The following PIAS2 variants were observed in gnomAD, a reference collection of about 807,000 sequenced individuals.
The protein encoded by PIAS2 is protein inhibitor of activated STAT 2.
Under a neutral mutation model 69.7 loss-of-function variants are expected in PIAS2, and 19 were observed. The observed-to-expected ratio is 0.27, with a 90% confidence interval of 0.19 to 0.40. PIAS2 has a LOEUF of 0.40. Ranked by LOEUF, PIAS2 falls within the 10% of genes least tolerant of loss-of-function variation. The pLI is 1.00. For missense variants in PIAS2, 624 were observed against 757.0 expected, an observed-to-expected ratio of 0.82 and a Z score of 2.06; for synonymous variants, 261 against 263.2, an observed-to-expected ratio of 0.99 and a Z score of 0.08.
intron 3 of PIAS2, among the ~76,000 whole-genome samples, chr18:46,862,481 C>A (rs1468508071): frequency 6.6e-6 from 1 of 152,096 alleles, no homozygotes; most frequent in Admixed American, 6.5e-5. Flanking sequence ...TTACTCAATT[C>A]CTTGCTCTGC....
At chr18:46,823,433 C>G (rs2042415727) in intron 11 of PIAS2, among the ~76,000 whole-genome samples, 1 of 152,116 alleles carries the variant, frequency 6.6e-6, no homozygotes, top group Non-Finnish European at 1.5e-5. Flanking sequence ...CACGTAACAA[C>G]AATAACAGAG....
intron 1 of PIAS2, among the ~76,000 whole-genome samples, chr18:46,909,843 T>C (rs1406207187): frequency 6.6e-6 from 1 of 152,146 alleles, no homozygotes; most frequent in African/African-American, 2.4e-5. Context: ...TTACAGTTTT[T>C]TTCTCTTCAT....
rs1346288219 is a variant in PIAS2 at position 46,806,179 on chromosome 18, A to C, written c.*6254T>G. 6.6e-6 allele frequency: 1 copy of C among 151,800 alleles called. No homozygotes were observed. Among genetic ancestry groups the C allele is most frequent in the Admixed American group, 6.6e-5 (1 of 15,234 alleles). 9.4% of individuals were successfully genotyped at this position (151,800 alleles called of 1,614,324 possible). The stretch of plus-strand genomic sequence containing the variant: ...TAACGTCACTTCAGTTTACGCAGAG[A>C]GCTTTTGGGGTAAGTCTAGGTCAGA... On this transcript the variant is annotated 3_prime_UTR_variant, in exon 14 of 14. Coordinates refer to ENST00000585916, the MANE Select transcript of PIAS2 (RefSeq NM_004671.5).
At chr18:46,854,071 C>T (rs1476399366) in intron 5 of PIAS2, among the ~76,000 whole-genome samples, 1 of 152,208 alleles carries the variant, frequency 6.6e-6, no homozygotes, top group East Asian at 1.9e-4. Flanking sequence ...TTTCTCAGGT[C>T]TCTAAGTCCA....
intron 1 of PIAS2, among the ~76,000 whole-genome samples, chr18:46,895,542 G>A (rs998924620): frequency 2.6e-5 from 4 of 151,998 alleles, no homozygotes; most frequent in East Asian, 1.9e-4. Context: ...GTGGTGTCTC[G>A]CACCTGTAAT....
intron 12 of PIAS2, chr18:46,816,976 T>C (rs893059032): frequency 7.5e-6 from 7 of 937,608 alleles, no homozygotes; most frequent in Non-Finnish European, 8.9e-6. Flanking sequence ...CAATTCAAAA[T>C]TTGTCTAGCC....
intron 1 of PIAS2, chr18:46,916,843 G>A: frequency 1.0e-6 from 1 of 985,432 alleles, no homozygotes; most frequent in Non-Finnish European, 1.2e-6. Context: ...CTAAACGGTA[G>A]CATCAGCCAT....
intron 1 of PIAS2, among the ~76,000 whole-genome samples, chr18:46,904,982 C>G (rs1169972853): frequency 6.6e-6 from 1 of 152,102 alleles, no homozygotes; most frequent in Non-Finnish European, 1.5e-5. Flanking sequence ...TAACTCTGCT[C>G]TCTTAATAAA....
intron 8 of PIAS2, among the ~76,000 whole-genome samples, chr18:46,841,835 A>G (rs940317051): frequency 1.3e-5 from 2 of 152,230 alleles, no homozygotes; most frequent in Non-Finnish European, 2.9e-5. Flanking sequence ...CAAGTAACTG[A>G]AAAGTTAATT....
intron 3 of PIAS2, among the ~76,000 whole-genome samples, chr18:46,862,255 C>T (rs567314865): frequency 4.6e-5 from 7 of 152,186 alleles, no homozygotes; most frequent in Admixed American, 3.3e-4. Context: ...CGCCTGAAAC[C>T]GGGAGGTGGA....
chr18:46,892,825 A>G (rs968151849), intron 1 of PIAS2, among the ~76,000 whole-genome samples: 1 of 152,162 alleles, frequency 6.6e-6, no homozygotes, highest in African/African-American at 2.4e-5. Flanking sequence ...TTAACCCAAT[A>G]TATCAAAACT....
chr18:46,830,447 T>C (rs1404161239), intron 9 of PIAS2, among the ~76,000 whole-genome samples: 2 of 151,798 alleles, frequency 1.3e-5, no homozygotes, highest in African/African-American at 4.8e-5. Flanking sequence ...AAAATAAAAA[T>C]GTAATAAAAT....
chr18:46,910,232 G>T (rs1235925211), intron 1 of PIAS2, among the ~76,000 whole-genome samples: 1 of 152,110 alleles, frequency 6.6e-6, no homozygotes, highest in Non-Finnish European at 1.5e-5. Context: ...CAGGAATGAT[G>T]AATCCAAAAT....
At chr18:46,854,137 C>T (rs1364864457) in intron 5 of PIAS2, among the ~76,000 whole-genome samples, 1 of 152,242 alleles carries the variant, frequency 6.6e-6, no homozygotes, top group Non-Finnish European at 1.5e-5. Flanking sequence ...TCAGATCCCT[C>T]TGTCCACAAG....
chr18:46,803,413 C>T lies in PIAS2; in HGVS notation c.*9020G>A, dbSNP rs1434474779. On this transcript the variant is annotated 3_prime_UTR_variant, in exon 14 of 14. Transcript: ENST00000585916. ...CTCTATTTTTTGGCCTCTGTAATAC[C>T]ACGTTATTTTCCTTCAGTCTCAGCT... 1 of 152,074 alleles carries T rather than the reference C, an allele frequency of 6.6e-6. No individual in the cohort carries two copies. Among genetic ancestry groups the T allele is most frequent in the Non-Finnish European group, 1.5e-5 (1 of 68,010 alleles). 9.4% of individuals were successfully genotyped at this position (152,074 alleles called of 1,614,324 possible). A position where few individuals can be genotyped will look rare whatever the true frequency, so the allele number is the denominator to read the frequency against.
At chr18:46,818,486 G>T in intron 12 of PIAS2, 1 of 1,514,986 alleles carries the variant, frequency 6.6e-7, no homozygotes, top group South Asian at 1.4e-5. Flanking sequence ...ATGTTTAAAA[G>T]GAATGTTAAG....
At chr18:46,829,096 A>G (rs1291756595) in intron 10 of PIAS2, among the ~76,000 whole-genome samples, 1 of 152,156 alleles carries the variant, frequency 6.6e-6, no homozygotes, top group African/African-American at 2.4e-5. Flanking sequence ...ATAAAAAGAA[A>G]CTCTAAGTTC....
chr18:46,864,874 G>C (rs886937678), intron 2 of PIAS2, among the ~76,000 whole-genome samples: 1 of 151,794 alleles, frequency 6.6e-6, no homozygotes, highest in Non-Finnish European at 1.5e-5. Context: ...AAGTCAAAAT[G>C]CTCCCCAGGA....
chr18:46,815,423 A>T (rs1223561591), intron 12 of PIAS2, 74 bp from the exon 13 acceptor site: 2 of 1,601,830 alleles, frequency 1.2e-6, no homozygotes, highest in Non-Finnish European at 1.7e-6. Flanking sequence ...AATCATCTTT[A>T]TCACAAATCA....
Sources: allele counts gnomAD v4.1 joint callset (sites outside exome capture counted in the v4.1 genomes callset), GRCh38; gene constraint gnomAD v4.1.1; transcripts MANE v1.5; gene names NCBI Gene and HGNC (gene_info 2026-07-23, HGNC 2026-07-21).